The following RFTN2 variants were observed in gnomAD, a reference collection of about 807,000 sequenced individuals.
RFTN2 encodes the protein raftlin family member 2.
In RFTN2, 34 loss-of-function variants were observed where a neutral mutation model predicts 52.7. The observed-to-expected ratio is 0.64, with a 90% CI of 0.49 to 0.86. RFTN2 has a LOEUF of 0.86. Ranked by LOEUF, RFTN2 falls within the 40% of genes least tolerant of loss-of-function variation. The pLI is 0.00. For synonymous variants in RFTN2, 203 were observed against 217.7 expected, an observed-to-expected ratio of 0.93 and a Z score of 0.59; for missense variants, 536 against 600.1, an observed-to-expected ratio of 0.89 and a Z score of 1.12.
At chr2:197,652,684 A>G (rs548002814) in intron 1 of RFTN2, among the ~76,000 whole-genome samples, 10 of 152,302 alleles carry the variant, frequency 6.6e-5, no homozygotes, top group South Asian at 2.1e-4. Context: ...TTTATAATCA[A>G]TGGTGTCTTA....
intron 8 of RFTN2, among the ~76,000 whole-genome samples, chr2:197,578,536 TCTC>T (rs1237408693): frequency 2.0e-5 from 3 of 152,064 alleles, no homozygotes; most frequent in Non-Finnish European, 2.9e-5. Flanking sequence ...TGAAATTCCT[TCTC>T]CTGGCTCAGA....
chr2:197,622,838 G>T (rs1009662531), intron 5 of RFTN2, among the ~76,000 whole-genome samples: 5 of 152,164 alleles, frequency 3.3e-5, no homozygotes, highest in African/African-American at 1.2e-4. Flanking sequence ...CTCTGCCTGT[G>T]ATCTAGACAT....
chr2:197,637,277 C>T (rs899291671), intron 3 of RFTN2, among the ~76,000 whole-genome samples: 1 of 152,084 alleles, frequency 6.6e-6, no homozygotes, highest in Non-Finnish European at 1.5e-5. Flanking sequence ...GGAGGATTCC[C>T]TCTTTTTCTA....
chr2:197,634,697 T>A (rs2088531017), intron 3 of RFTN2, among the ~76,000 whole-genome samples: 1 of 142,686 alleles, frequency 7.0e-6, no homozygotes, highest in Admixed American at 6.8e-5. Context: ...TTTTTATTTT[T>A]TATTTTTTTT....
At chr2:197,579,961 G>C (rs181277544) in intron 8 of RFTN2, among the ~76,000 whole-genome samples, 1 of 152,098 alleles carries the variant, frequency 6.6e-6, no homozygotes, top group Non-Finnish European at 1.5e-5. Context: ...AGCTAAAGGC[G>C]TAGTCAAGGT....
intron 8 of RFTN2, chr2:197,588,078 TTTCA>T (rs1299364377): frequency 6.6e-6 from 3 of 456,918 alleles, no homozygotes; most frequent in African/African-American, 2.0e-5. Context: ...TAAATAAAAA[TTTCA>T]TTCAATCATA....
intron 5 of RFTN2, among the ~76,000 whole-genome samples, chr2:197,630,127 T>C (rs1574723194): frequency 6.6e-6 from 1 of 152,224 alleles, no homozygotes; most frequent in East Asian, 1.9e-4. Flanking sequence ...TCCTTAATAC[T>C]GCTAGTTAAA....
chr2:197,597,568 G>A (rs1048974414), intron 7 of RFTN2, among the ~76,000 whole-genome samples: 4 of 151,872 alleles, frequency 2.6e-5, no homozygotes, highest in Non-Finnish European at 5.9e-5. Flanking sequence ...TGCCCAGGCT[G>A]AAGTGCAGTG....
intron 8 of RFTN2, among the ~76,000 whole-genome samples, chr2:197,572,636 C>A (rs1306874188): frequency 6.6e-6 from 1 of 152,132 alleles, no homozygotes. Flanking sequence ...ATATGTTTTT[C>A]TTCTTAGTGT....
At chr2:197,596,927 C>T (rs904480002) in intron 7 of RFTN2, among the ~76,000 whole-genome samples, 11 of 152,094 alleles carry the variant, frequency 7.2e-5, no homozygotes, top group African/African-American at 2.2e-4. Context: ...GGTTTGTATT[C>T]CTCTGAAATG....
intron 3 of RFTN2, among the ~76,000 whole-genome samples, chr2:197,637,431 C>G (rs1269228232): frequency 6.6e-6 from 1 of 151,410 alleles, no homozygotes; most frequent in East Asian, 1.9e-4. Flanking sequence ...TGTTATTGGT[C>G]TATTCAGAGA....
chr2:197,583,648 C>G (rs889543810), intron 8 of RFTN2, among the ~76,000 whole-genome samples: 4 of 147,122 alleles, frequency 2.7e-5, no homozygotes, highest in African/African-American at 1.0e-4. Context: ...TTTAATTATA[C>G]TTTAAGTTCA....
At chr2:197,665,307 A>G (rs892790878) in intron 1 of RFTN2, among the ~76,000 whole-genome samples, 2 of 152,126 alleles carry the variant, frequency 1.3e-5, no homozygotes, top group African/African-American at 4.8e-5. Flanking sequence ...AATAAATCCA[A>G]TGTTTCTTTG....
At chr2:197,606,203 G>A (rs1443276751) in intron 7 of RFTN2, among the ~76,000 whole-genome samples, 1 of 152,060 alleles carries the variant, frequency 6.6e-6, no homozygotes, top group Non-Finnish European at 1.5e-5. Context: ...GAGAATACAT[G>A]CTCTAGACCT....
chr2:197,615,028 G>A (rs917181646), intron 7 of RFTN2, among the ~76,000 whole-genome samples: 10 of 152,202 alleles, frequency 6.6e-5, no homozygotes, highest in African/African-American at 2.4e-4. Context: ...ACCCGAAGAA[G>A]GTGTGGCTTT....
intron 8 of RFTN2, among the ~76,000 whole-genome samples, chr2:197,574,625 TG>T (rs1265859275): frequency 1.3e-5 from 2 of 152,184 alleles, no homozygotes; most frequent in African/African-American, 4.8e-5. Context: ...CCCAGCACTT[TG>T]GGAGGCTGAG....
chr2:197,665,003 G>A (rs967186463), intron 1 of RFTN2, among the ~76,000 whole-genome samples: 4 of 152,168 alleles, frequency 2.6e-5, no homozygotes, highest in African/African-American at 9.7e-5. Flanking sequence ...GACTACTAGA[G>A]AGAGGGAGTG....
chr2:197,576,066 T>C (rs1205305349), intron 8 of RFTN2, among the ~76,000 whole-genome samples: 1 of 151,580 alleles, frequency 6.6e-6, no homozygotes, highest in Non-Finnish European at 1.5e-5. Context: ...TGGAGTGCGG[T>C]GGTGCAATCC....
chr2:197,605,670 A>G (rs768296522), intron 7 of RFTN2, among the ~76,000 whole-genome samples: 31 of 152,178 alleles, frequency 2.0e-4, no homozygotes, highest in South Asian at 4.1e-4. Context: ...GTCCGCTCCC[A>G]TGCACATAGT....
Sources: allele counts gnomAD v4.1 joint callset (sites outside exome capture counted in the v4.1 genomes callset), GRCh38; gene constraint gnomAD v4.1.1; transcripts MANE v1.5; gene names NCBI Gene and HGNC (gene_info 2026-07-23, HGNC 2026-07-21).